The following PRR16 variants were observed in gnomAD, a reference collection of about 807,000 sequenced individuals.
PRR16 encodes proline rich 16.
A neutral mutation model predicts 18.2 loss-of-function variants in PRR16; 6 were observed. The observed-to-expected ratio is 0.33, with a 90% CI of 0.18 to 0.65. PRR16 has a LOEUF of 0.65. Among genes scored for constraint, PRR16 ranks in the 30% least tolerant of loss-of-function variants. The pLI is 0.74. For synonymous variants in PRR16, 151 were observed against 147.8 expected, an observed-to-expected ratio of 1.02 and a Z score of -0.16; for missense variants, 412 against 376.6, an observed-to-expected ratio of 1.09 and a Z score of -0.78.
At chr5:120,518,465 T>C (rs922947221) in intron 1 of PRR16, among the ~76,000 whole-genome samples, 1 of 152,094 alleles carries the variant, frequency 6.6e-6, no homozygotes, top group African/African-American at 2.4e-5. Context: ...TGGAAACTGG[T>C]ACCCAAATGC....
rs1755578244 is a variant in PRR16 at position 120,645,943 on chromosome 5, G to A, written c.160-40011G>A. Among the ~76,000 whole-genome samples the A allele has an allele frequency of 1.3e-5, 2 of 150,842 alleles. 1 individual carries two copies. The highest frequency in any genetic ancestry group is 4.9e-5 in the African/African-American group (2 of 41,070). On this transcript the variant is annotated intron_variant, in intron 1 of 1. Transcript: ENST00000407149. Reference sequence around the variant, plus strand: ...GGAGTCTTCCCTTCTATCTCTTATTGCCCAATATGAGGATCATAATTGATT... The same window carrying A: ...GGAGTCTTCCCTTCTATCTCTTATTACCCAATATGAGGATCATAATTGATT...
chr5:120,728,811 A>G, the PRR16 span, among the ~76,000 whole-genome samples: 1 of 152,188 alleles, frequency 6.6e-6, no homozygotes, highest in Admixed American at 6.5e-5. Context: ...CTTTGAAATC[A>G]TATGTCGGTG....
At chr5:120,512,979 C>G (rs988232646) in intron 1 of PRR16, among the ~76,000 whole-genome samples, 23 of 152,084 alleles carry the variant, frequency 1.5e-4, no homozygotes, top group Non-Finnish European at 3.2e-4. Flanking sequence ...TTCCCTGAAT[C>G]GGGGTGCCAC....
chr5:120,576,127 G>A (rs58899619), intron 1 of PRR16, among the ~76,000 whole-genome samples: 1 of 151,960 alleles, frequency 6.6e-6, no homozygotes, highest in Non-Finnish European at 1.5e-5. Flanking sequence ...GATTTTTTTC[G>A]ATAAAACCTC....
chr5:120,590,731 T>C (rs79129048), intron 1 of PRR16, among the ~76,000 whole-genome samples: 11,090 of 152,066 alleles, frequency 0.073, 1,115 homozygotes, highest in African/African-American at 0.23. Context: ...GAAGTAAAAT[T>C]ATAACATGGT....
the PRR16 span, among the ~76,000 whole-genome samples, chr5:120,709,027 A>T: frequency 2.3e-4 from 19 of 82,572 alleles, no homozygotes; most frequent in East Asian, 1.6e-3. Context: ...TTTTTTTTTG[A>T]GACAGAGTCT....
chr5:120,510,980 G>A (rs1461089961), intron 1 of PRR16, among the ~76,000 whole-genome samples: 1 of 152,138 alleles, frequency 6.6e-6, no homozygotes, highest in Admixed American at 6.6e-5. Flanking sequence ...ATATGGTCTG[G>A]TTCTCAGCTT....
chr5:120,638,086 T>C (rs1755299919), intron 1 of PRR16, among the ~76,000 whole-genome samples: 1 of 152,150 alleles, frequency 6.6e-6, no homozygotes, highest in South Asian at 2.1e-4. Context: ...ATATATCTTA[T>C]ACAAATAGCC....
chr5:120,576,790 T>G (rs111733704), intron 1 of PRR16, among the ~76,000 whole-genome samples: 2 of 152,078 alleles, frequency 1.3e-5, no homozygotes, highest in African/African-American at 4.8e-5. Context: ...TTACAGGCCT[T>G]AATACTCTGA....
At chr5:120,713,006 T>C in the PRR16 span, among the ~76,000 whole-genome samples, 1 of 152,166 alleles carries the variant, frequency 6.6e-6, no homozygotes, top group Non-Finnish European at 1.5e-5. Context: ...TGAAGAGATA[T>C]CTGCACTCCT....
At chr5:120,727,028 A>G in the PRR16 span, among the ~76,000 whole-genome samples, 1 of 152,032 alleles carries the variant, frequency 6.6e-6, no homozygotes, top group African/African-American at 2.4e-5. Context: ...CCAGAACATC[A>G]CTGAAGCTTT....
the PRR16 span, among the ~76,000 whole-genome samples, chr5:120,739,750 TTAAG>T: frequency 6.6e-6 from 1 of 152,158 alleles, no homozygotes; most frequent in Non-Finnish European, 1.5e-5. Context: ...AATTATCAAT[TTAAG>T]AAGGAAGTAG....
At chr5:120,574,442 A>G (rs1184837902) in intron 1 of PRR16, among the ~76,000 whole-genome samples, 2 of 152,006 alleles carry the variant, frequency 1.3e-5, no homozygotes, top group Non-Finnish European at 2.9e-5. Context: ...TGTCTCTGCT[A>G]AAAATACAAA....
rs115420606 is a variant in PRR16 at position 120,496,680 on chromosome 5, T to G, written c.159+32035T>G. 4.7e-3 allele frequency among the ~76,000 whole-genome samples: 720 copies of G among 152,122 alleles called. 3 individuals carry two copies. Among genetic ancestry groups the G allele is most frequent in the Non-Finnish European group, 8.4e-3 (572 of 67,950 alleles). On this transcript the variant is annotated intron_variant, in intron 1 of 1. Coordinates refer to ENST00000407149, the MANE Select transcript of PRR16 (RefSeq NM_001300783.2). The stretch of plus-strand genomic sequence containing the variant: ...GCTCTATATTTGATTTATTTTGATT[T>G]TGTCTATATTGTTTTTGATTTTATT...
the PRR16 span, among the ~76,000 whole-genome samples, chr5:120,714,954 CAGGG>C: frequency 2.0e-5 from 3 of 152,042 alleles, no homozygotes; most frequent in African/African-American, 7.3e-5. Context: ...CACATGGACA[CAGGG>C]AGGAGAACAA....
intron 1 of PRR16, among the ~76,000 whole-genome samples, chr5:120,508,687 T>C (rs151160911): frequency 7.9e-5 from 12 of 152,270 alleles, no homozygotes; most frequent in African/African-American, 2.6e-4. Context: ...AGAGACTTAT[T>C]TGGATAACGT....
At chr5:120,728,578 AAT>A in the PRR16 span, among the ~76,000 whole-genome samples, 3 of 152,118 alleles carry the variant, frequency 2.0e-5, no homozygotes, top group Non-Finnish European at 4.4e-5. Context: ...TTAGGAATCA[AAT>A]ATGAACTTGA....
intron 1 of PRR16, among the ~76,000 whole-genome samples, chr5:120,497,761 C>A (rs1013060081): frequency 6.6e-6 from 1 of 151,634 alleles, no homozygotes; most frequent in Non-Finnish European, 1.5e-5. Context: ...ACATAGACAA[C>A]ATTGTATAAA....
chr5:120,754,556 AT>A, the PRR16 span, among the ~76,000 whole-genome samples: 2 of 64,832 alleles, frequency 3.1e-5, no homozygotes, highest in Non-Finnish European at 5.2e-5. Flanking sequence ...TATATAATAT[AT>A]ATTATATAAT....
Sources: gnomAD v4.1 joint callset for allele counts (sites outside exome capture counted in the v4.1 genomes callset) on GRCh38, gnomAD v4.1.1 for gene constraint, MANE v1.5 for transcripts, NCBI Gene and HGNC (gene_info 2026-07-23, HGNC 2026-07-21) for gene names.